The following ADAM23 variants were observed in gnomAD, a reference collection of about 807,000 sequenced individuals.
The protein encoded by ADAM23 is ADAM metallopeptidase domain 23, also known as disintegrin and metalloproteinase domain-containing protein 23.
In ADAM23, 33 loss-of-function variants were observed where a neutral mutation model predicts 120.1. The observed-to-expected ratio is 0.27, with a 90% CI of 0.21 to 0.37. The LOEUF is 0.37. ADAM23 is among the 10% of genes least tolerant of loss of function. The pLI is 1.00. For synonymous variants in ADAM23, 367 were observed against 375.2 expected, an observed-to-expected ratio of 0.98 and a Z score of 0.25; for missense variants, 862 against 1,058.2, an observed-to-expected ratio of 0.81 and a Z score of 2.57.
chr2:206,445,090 A>G (rs139856399), intron 1 of ADAM23, among the ~76,000 whole-genome samples: 118 of 152,050 alleles, frequency 7.8e-4, no homozygotes, highest in African/African-American at 2.7e-3. Context: ...ACAGTTGTAT[A>G]AGCCTTATTG....
intron 3 of ADAM23, among the ~76,000 whole-genome samples, chr2:206,509,740 C>T (rs947769411): frequency 1.3e-5 from 2 of 152,216 alleles, no homozygotes; most frequent in African/African-American, 2.4e-5. Context: ...TGAGCCACTG[C>T]GCCCAGCCTG....
At chr2:206,540,529 G>A (rs1697269211) in intron 4 of ADAM23, among the ~76,000 whole-genome samples, 1 of 151,972 alleles carries the variant, frequency 6.6e-6, no homozygotes, top group Non-Finnish European at 1.5e-5. Context: ...GGATAAAAAA[G>A]GATATGAACC....
chr2:206,494,610 G>C (rs1197182857), intron 3 of ADAM23, among the ~76,000 whole-genome samples: 3 of 152,150 alleles, frequency 2.0e-5, no homozygotes, highest in African/African-American at 7.2e-5. Flanking sequence ...AACTTTTTGA[G>C]CATCCATTTA....
intron 3 of ADAM23, among the ~76,000 whole-genome samples, chr2:206,493,033 A>G (rs1053368904): frequency 2.0e-5 from 3 of 152,316 alleles, no homozygotes; most frequent in Non-Finnish European, 4.4e-5. Context: ...TTGGTTCTCC[A>G]TAGATTTATA....
At chr2:206,531,194 A>T (rs1369219586) in intron 4 of ADAM23, among the ~76,000 whole-genome samples, 4 of 152,206 alleles carry the variant, frequency 2.6e-5, no homozygotes, top group Non-Finnish European at 4.4e-5. Flanking sequence ...TAGTATAAAG[A>T]GCTATACAGT....
chr2:206,448,537 G>A (rs1308572115), intron 2 of ADAM23, among the ~76,000 whole-genome samples: 2 of 152,118 alleles, frequency 1.3e-5, no homozygotes, highest in Non-Finnish European at 2.9e-5. Flanking sequence ...TGGGTGGCTG[G>A]GGGTCCCTAA....
intron 3 of ADAM23, among the ~76,000 whole-genome samples, chr2:206,487,504 T>C (rs1181027476): frequency 6.6e-6 from 1 of 152,180 alleles, no homozygotes; most frequent in African/African-American, 2.4e-5. Context: ...CGCGAGACAC[T>C]TGGTACTTGT....
chr2:206,499,437 GA>G (rs895877293), intron 3 of ADAM23, among the ~76,000 whole-genome samples: 9 of 145,374 alleles, frequency 6.2e-5, no homozygotes, highest in Non-Finnish European at 1.0e-4. Flanking sequence ...GGTGGGAATT[GA>G]ACAATGAGAA....
chr2:206,517,284 GC>G (rs980877898), intron 3 of ADAM23, among the ~76,000 whole-genome samples: 4 of 152,104 alleles, frequency 2.6e-5, no homozygotes, highest in Non-Finnish European at 5.9e-5. Context: ...ACAGAAAGTA[GC>G]CCGAGTCTCA....
At chr2:206,541,990 A>C (rs1345794407) in intron 4 of ADAM23, 62 bp from the exon 5 acceptor site, 1 of 1,541,962 alleles carries the variant, frequency 6.5e-7, no homozygotes. Context: ...GCTTTATGGA[A>C]GCACCCAAAG....
At chr2:206,595,986 A>T in intron 23 of ADAM23, 65 bp from the exon 24 acceptor site, 1 of 1,302,342 alleles carries the variant, frequency 7.7e-7, no homozygotes, top group Non-Finnish European at 1.1e-6. Context: ...TGTCTCTTTT[A>T]CATTTATCAC....
At chr2:206,586,059 G>C (rs1434634398) in intron 18 of ADAM23, among the ~76,000 whole-genome samples, 1 of 152,168 alleles carries the variant, frequency 6.6e-6, no homozygotes, top group Non-Finnish European at 1.5e-5. Flanking sequence ...CAACGGGAAA[G>C]CAAAGGCAAA....
At chr2:206,583,915 G>T (rs1239409719) in intron 18 of ADAM23, among the ~76,000 whole-genome samples, 1 of 151,992 alleles carries the variant, frequency 6.6e-6, no homozygotes, top group African/African-American at 2.4e-5. Flanking sequence ...GTGATTTTTT[G>T]GGGGGTGTTG....
chr2:206,546,712 A>ATC (rs956066802), intron 6 of ADAM23, among the ~76,000 whole-genome samples: 1 of 152,178 alleles, frequency 6.6e-6, no homozygotes, highest in African/African-American at 2.4e-5. Flanking sequence ...ACAATGATGT[A>ATC]TCTCCCTGAG....
chr2:206,587,322 C>T lies in ADAM23; in HGVS notation c.1738-3C>T, dbSNP rs375717399. On this transcript the variant is annotated splice_region_variant and splice_polypyrimidine_tract_variant and intron_variant, in intron 18 of 25. Coordinates refer to ENST00000264377, the MANE Select transcript of ADAM23 (RefSeq NM_003812.4). ...TATTAACTAAAAAGATAATATTTTG[C>T]AGTGCCCACCAAATCTTCATAAGCA... The T allele has an allele frequency of 5.6e-6, 9 of 1,602,818 alleles. No individual in the cohort carries two copies. The highest frequency in any genetic ancestry group is 7.7e-6 in the Non-Finnish European group (9 of 1,172,726).
At chr2:206,495,914 G>A (rs1301122585) in intron 3 of ADAM23, among the ~76,000 whole-genome samples, 2 of 152,108 alleles carry the variant, frequency 1.3e-5, no homozygotes, top group Admixed American at 6.6e-5. Flanking sequence ...AGGCCATTAT[G>A]TAATGGTAAA....
intron 22 of ADAM23, 58 bp from the exon 23 acceptor site, chr2:206,594,679 A>G: frequency 2.5e-6 from 4 of 1,588,704 alleles, no homozygotes; most frequent in Non-Finnish European, 2.6e-6. Context: ...AGCCTCATTC[A>G]TGGAATGATG....
intron 11 of ADAM23, among the ~76,000 whole-genome samples, chr2:206,560,685 A>T (rs1697745325): frequency 6.6e-6 from 1 of 152,220 alleles, no homozygotes; most frequent in African/African-American, 2.4e-5. Context: ...CTATTTTCAG[A>T]TAGTCCTCTA....
chr2:206,533,132 A>G (rs1008421706), intron 4 of ADAM23, among the ~76,000 whole-genome samples: 1 of 152,210 alleles, frequency 6.6e-6, no homozygotes, highest in Non-Finnish European at 1.5e-5. Flanking sequence ...TTAATATGTA[A>G]GAATGGCTAG....
Sources: allele counts gnomAD v4.1 joint callset (sites outside exome capture counted in the v4.1 genomes callset), GRCh38; gene constraint gnomAD v4.1.1; transcripts MANE v1.5; gene names NCBI Gene and HGNC (gene_info 2026-07-23, HGNC 2026-07-21).